The following GNB1 variants were observed in gnomAD, a reference collection of about 807,000 sequenced individuals.
The protein encoded by GNB1 is G protein subunit beta 1.
A neutral mutation model predicts 42.9 loss-of-function variants in GNB1; 2 were observed. That is an observed-to-expected ratio of 0.05 (90% CI 0.02 to 0.15). The LOEUF (loss-of-function observed/expected upper bound fraction) is 0.15, where lower values mean the gene tolerates loss of function less well. GNB1 is among the 10% of genes least tolerant of loss of function. The pLI is 1.00. For missense variants in GNB1, 193 were observed against 462.2 expected (o/e 0.42, Z 5.34); for synonymous variants, 183 against 174.7 (o/e 1.05, Z -0.38).
At chr1:1,862,517 A>C (rs1417510168) in intron 1 of GNB1, among the ~76,000 whole-genome samples, 2 of 150,866 alleles carry the variant, frequency 1.3e-5, no homozygotes, top group Non-Finnish European at 3.0e-5. Context: ...CCCAGGCTGG[A>C]GCGGCACAAT....
chr1:1,852,585 C>T (rs1011778905), intron 1 of GNB1, among the ~76,000 whole-genome samples: 1 of 151,796 alleles, frequency 6.6e-6, no homozygotes, highest in Non-Finnish European at 1.5e-5. Flanking sequence ...GTCCTAGCTA[C>T]TCCAGAGGCT....
chr1:1,819,014 G>A (rs1047155412), intron 3 of GNB1, among the ~76,000 whole-genome samples: 6 of 152,198 alleles, frequency 3.9e-5, no homozygotes, highest in South Asian at 4.1e-4. Flanking sequence ...AATGACCTGC[G>A]GCTGCAGGTA....
At chr1:1,818,862 C>CA (rs914806128) in intron 3 of GNB1, among the ~76,000 whole-genome samples, 11 of 149,978 alleles carry the variant, frequency 7.3e-5, no homozygotes, top group East Asian at 3.9e-4. Context: ...GACTCCATCT[C>CA]AAAAAAAACA....
chr1:1,804,696 G>T, intron 6 of GNB1, 115 bp from the exon 7 acceptor site: 1 of 753,278 alleles, frequency 1.3e-6, no homozygotes, highest in South Asian at 1.9e-5. Flanking sequence ...CAAAATAAGA[G>T]CCAAAATTAT....
chr1:1,818,450 G>A (rs1277801072), intron 3 of GNB1: 4 of 152,080 alleles, frequency 2.6e-5, no homozygotes, highest in South Asian at 2.1e-4. Flanking sequence ...GCGGTCTCAC[G>A]TCTGTAATCC....
chr1:1,809,923 C>T (rs1646751888), intron 5 of GNB1, among the ~76,000 whole-genome samples: 1 of 152,142 alleles, frequency 6.6e-6, no homozygotes, highest in Non-Finnish European at 1.5e-5. Flanking sequence ...AAAATCAAAA[C>T]ACCTAATGCC....
intron 1 of GNB1, among the ~76,000 whole-genome samples, chr1:1,871,767 C>A (rs1649262758): frequency 6.6e-6 from 1 of 152,182 alleles, no homozygotes; most frequent in East Asian, 1.9e-4. Context: ...TCACCACCCT[C>A]TACATGTGCA....
At chr1:1,811,070 CATATATAT>C (rs200813326) in intron 5 of GNB1, among the ~76,000 whole-genome samples, 3 of 50,406 alleles carry the variant, frequency 6.0e-5, no homozygotes, top group African/African-American at 1.6e-4. Context: ...TATATATATA[CATATATAT>C]ATATTTTTTT....
In GNB1 at chr1:1,839,238, T is replaced by C. The variant is rs963964931; in HGVS notation, c.-95A>G. 2 of 152,216 alleles carry C rather than the reference T, an allele frequency of 1.3e-5. No individual in the cohort carries two copies. Among genetic ancestry groups the C allele is most frequent in the Non-Finnish European group, 2.9e-5 (2 of 68,038 alleles). 9.4% of individuals were successfully genotyped at this position (152,216 alleles called of 1,614,324 possible). On this transcript the variant is annotated splice_region_variant and 5_prime_UTR_variant, in exon 2 of 12. Transcript: ENST00000378609. ...CTGGTCTCCAATACATGTAAATTTG[T>C]CTGAAACAAACAGAAAAGGCTGTAT...
chr1:1,788,094 G>A (rs1646431074), intron 10 of GNB1: 1 of 152,138 alleles, frequency 6.6e-6, no homozygotes, highest in Non-Finnish European at 1.5e-5. Context: ...GGAGCTTAGA[G>A]GCATGAGCCG....
At chr1:1,875,591 C>T (rs1381494673) in intron 1 of GNB1, among the ~76,000 whole-genome samples, 1 of 152,180 alleles carries the variant, frequency 6.6e-6, no homozygotes, top group Non-Finnish European at 1.5e-5. Context: ...TCATTGCAGC[C>T]TCAAACTCCT....
rs185462709 is a variant in GNB1, at chr1:1,789,048, C to T, written c.916+5G>A. ...AAGACACAGAAAGGCCCCATGGCCACGTACCTGCCCGGTCGGCTTTGAGTG... is the reference window on the plus strand; with the variant it reads ...AAGACACAGAAAGGCCCCATGGCCATGTACCTGCCCGGTCGGCTTTGAGTG... On this transcript the variant is annotated splice_donor_5th_base_variant and intron_variant, in intron 10 of 11. Coordinates refer to ENST00000378609, the MANE Select transcript of GNB1 (RefSeq NM_002074.5). 258 of 1,609,476 alleles carry T rather than the reference C, an allele frequency of 1.6e-4. No homozygotes were observed. In the African/African-American group the frequency reaches 2.0e-3, roughly 12 times the overall value.
intron 5 of GNB1, among the ~76,000 whole-genome samples, chr1:1,809,280 T>C (rs2100766254): frequency 6.6e-6 from 1 of 151,244 alleles, no homozygotes; most frequent in South Asian, 2.1e-4. Context: ...ATGCAAGCAA[T>C]TCTCGTGCGT....
At chr1:1,792,409 CTA>C (rs1476612509) in intron 8 of GNB1, among the ~76,000 whole-genome samples, 3 of 152,054 alleles carry the variant, frequency 2.0e-5, no homozygotes, top group Non-Finnish European at 4.4e-5. Context: ...GTTAAAATAT[CTA>C]TGTTGGCCAG....
intron 1 of GNB1, among the ~76,000 whole-genome samples, chr1:1,860,923 C>CA (rs1199455523): frequency 6.6e-6 from 1 of 151,776 alleles, no homozygotes. Context: ...GCCTGACCAA[C>CA]ATGGCTAAAC....
chr1:1,785,805 T>A lies in GNB1; in HGVS notation c.*1258A>T. 1 of 355,270 alleles carries A rather than the reference T, an allele frequency of 2.8e-6. No homozygotes were observed. Among genetic ancestry groups the A allele is most frequent in the Non-Finnish European group, 5.0e-6 (1 of 201,300 alleles). 22.0% of individuals were successfully genotyped at this position (355,270 alleles called of 1,614,324 possible). On this transcript the variant is annotated 3_prime_UTR_variant, in exon 12 of 12. Transcript: ENST00000378609. ...AACAGCAGTCGTTTGCAACAGAACT[T>A]TTTTTTTTTTAAAGAAATAAAGAAA...
At chr1:1,852,974 G>A (rs1388509020) in intron 1 of GNB1, among the ~76,000 whole-genome samples, 1 of 152,108 alleles carries the variant, frequency 6.6e-6, no homozygotes, top group Non-Finnish European at 1.5e-5. Context: ...AGCGCTCTGA[G>A]GGTTCAATCC....
intron 3 of GNB1, among the ~76,000 whole-genome samples, chr1:1,819,573 C>T (rs1169981244): frequency 6.6e-6 from 1 of 151,882 alleles, no homozygotes; most frequent in Non-Finnish European, 1.5e-5. Context: ...GGATCTGGCT[C>T]TGTTGCCCAG....
At chr1:1,833,380 G>T (rs1444628616) in intron 2 of GNB1, among the ~76,000 whole-genome samples, 1 of 152,064 alleles carries the variant, frequency 6.6e-6, no homozygotes. Context: ...GGAATTCAAA[G>T]GGCAACGGAA....
Sources: allele counts gnomAD v4.1 joint callset (sites outside exome capture counted in the v4.1 genomes callset), GRCh38; gene constraint gnomAD v4.1.1; transcripts MANE v1.5; gene names NCBI Gene and HGNC (gene_info 2026-07-23, HGNC 2026-07-21).